The following SLC44A5 variants were observed in gnomAD, a reference collection of about 807,000 sequenced individuals.
SLC44A5 encodes choline transporter-like protein 5.
Under a neutral mutation model 101.8 loss-of-function variants are expected in SLC44A5, and 57 were observed. The ratio of observed to expected loss-of-function variants is 0.56; its 90% CI spans 0.45 to 0.70. SLC44A5 has a LOEUF of 0.70. Ranked by LOEUF, SLC44A5 falls within the 30% of genes least tolerant of loss-of-function variation. The probability of loss-of-function intolerance (pLI) is 0.00; values close to 1 mark genes in which losing one functional copy is unlikely to be tolerated. For synonymous variants in SLC44A5, 281 were observed against 290.9 expected, an observed-to-expected ratio of 0.97 and a Z score of 0.35; for missense variants, 737 against 853.1, an observed-to-expected ratio of 0.86 and a Z score of 1.70.
intron 3 of SLC44A5, among the ~76,000 whole-genome samples, chr1:75,352,795 T>C (rs1658784379): frequency 1.3e-5 from 2 of 152,196 alleles, no homozygotes; most frequent in Admixed American, 1.3e-4. Flanking sequence ...TTAAGATACA[T>C]GGATAATACG....
chr1:75,345,484 T>C (rs987962892), intron 3 of SLC44A5, among the ~76,000 whole-genome samples: 1 of 152,078 alleles, frequency 6.6e-6, no homozygotes, highest in Non-Finnish European at 1.5e-5. Context: ...AACAGTAAAA[T>C]GTAAATTACC....
intron 16 of SLC44A5, 134 bp downstream of exon 16, chr1:75,219,123 C>T: frequency 1.5e-6 from 1 of 676,458 alleles, no homozygotes; most frequent in Non-Finnish European, 2.6e-6. Context: ...ATGCACACTC[C>T]CCACTTCAGC....
At chr1:75,711,545 A>G in the SLC44A5 span, among the ~76,000 whole-genome samples, 1 of 150,352 alleles carries the variant, frequency 6.7e-6, no homozygotes, top group African/African-American at 2.4e-5. Flanking sequence ...ATTTCAGCTC[A>G]TGGCTAATAA....
the SLC44A5 span, among the ~76,000 whole-genome samples, chr1:75,702,836 A>C: frequency 1.3e-5 from 2 of 152,184 alleles, no homozygotes; most frequent in Non-Finnish European, 2.9e-5. Context: ...AACCCCATCA[A>C]AAAGTGGGCA....
At chr1:75,360,410 T>C (rs1303679741) in intron 3 of SLC44A5, among the ~76,000 whole-genome samples, 1 of 149,396 alleles carries the variant, frequency 6.7e-6, no homozygotes, top group Non-Finnish European at 1.5e-5. Context: ...CTTCAAGTGA[T>C]CCTCCCACCT....
At chr1:75,402,308 CCTT>C (rs1239932025) in intron 2 of SLC44A5, 7 of 223,404 alleles carry the variant, frequency 3.1e-5, no homozygotes, top group African/African-American at 4.6e-5. Flanking sequence ...GAGTTTGTCT[CCTT>C]CTCTGTAAAA....
chr1:75,252,753 T>G (rs1381130913), intron 6 of SLC44A5, among the ~76,000 whole-genome samples: 2 of 152,078 alleles, frequency 1.3e-5, no homozygotes, highest in East Asian at 3.9e-4. Flanking sequence ...CACAAGAGAA[T>G]TGAAAAAAAG....
the SLC44A5 span, among the ~76,000 whole-genome samples, chr1:75,691,134 G>C: frequency 6.6e-6 from 1 of 151,860 alleles, no homozygotes; most frequent in Non-Finnish European, 1.5e-5. Context: ...TTTCCAACTT[G>C]TTCTTGAATT....
intron 2 of SLC44A5, among the ~76,000 whole-genome samples, chr1:75,527,935 CTG>C (rs1670511110): frequency 6.6e-6 from 1 of 152,192 alleles, no homozygotes; most frequent in Admixed American, 6.5e-5. Context: ...GAACTTCACT[CTG>C]TAATTGCTCA....
At chr1:75,576,864 CTTTG>C (rs1304107930) in intron 1 of SLC44A5, among the ~76,000 whole-genome samples, 14 of 152,194 alleles carry the variant, frequency 9.2e-5, no homozygotes, top group African/African-American at 3.1e-4. Flanking sequence ...TAAACTGTTA[CTTTG>C]TTTGCACAAT....
intron 2 of SLC44A5, among the ~76,000 whole-genome samples, chr1:75,493,216 A>G (rs988914884): frequency 6.6e-6 from 1 of 152,154 alleles, no homozygotes; most frequent in Admixed American, 6.6e-5. Context: ...CAGATTTCTG[A>G]CCCCTGAAAC....
chr1:75,703,548 T>TGTTAA, the SLC44A5 span, among the ~76,000 whole-genome samples: 2 of 151,856 alleles, frequency 1.3e-5, no homozygotes, highest in Admixed American at 1.3e-4. Flanking sequence ...CTTTAGGAGA[T>TGTTAA]ATACCTAATG....
intron 2 of SLC44A5, 122 bp downstream of exon 2, chr1:75,541,313 G>T: frequency 1.4e-6 from 1 of 730,006 alleles, no homozygotes; most frequent in Non-Finnish European, 2.3e-6. Flanking sequence ...TCCAGGTGCA[G>T]CTTCCAGTGA....
chr1:75,250,503 C>T (rs1033913629), intron 7 of SLC44A5, among the ~76,000 whole-genome samples: 5 of 152,088 alleles, frequency 3.3e-5, no homozygotes, highest in African/African-American at 1.2e-4. Flanking sequence ...TTTATATTCC[C>T]TTGGGTATAT....
At chr1:75,249,510 T>G (rs1570467632) in intron 7 of SLC44A5, among the ~76,000 whole-genome samples, 1 of 152,174 alleles carries the variant, frequency 6.6e-6, no homozygotes, top group East Asian at 1.9e-4. Flanking sequence ...GAAAATCACC[T>G]CCCAGGTGGC....
At chr1:75,348,048 C>T (rs549721080) in intron 3 of SLC44A5, among the ~76,000 whole-genome samples, 1 of 151,952 alleles carries the variant, frequency 6.6e-6, no homozygotes, top group Admixed American at 6.6e-5. Context: ...TTCCATGATG[C>T]CAGTAGTAGA....
chr1:75,396,538 T>C (rs544275717), intron 3 of SLC44A5, 45 bp downstream of exon 3: 1 of 1,441,118 alleles, frequency 6.9e-7, no homozygotes, highest in South Asian at 1.1e-5. Context: ...ATGGATAGAC[T>C]GTCATGAAAG....
chr1:75,274,196 C>T (rs1332477270), intron 6 of SLC44A5, among the ~76,000 whole-genome samples: 3 of 151,148 alleles, frequency 2.0e-5, no homozygotes, highest in Non-Finnish European at 2.9e-5. Flanking sequence ...TTTTAACCAT[C>T]TAGAGCCAGC....
At chr1:75,463,297 G>A (rs1178930750) in intron 2 of SLC44A5, among the ~76,000 whole-genome samples, 4 of 151,862 alleles carry the variant, frequency 2.6e-5, no homozygotes, top group East Asian at 1.9e-4. Flanking sequence ...GCAGGCGCCT[G>A]TAGTCCCAGC....
Sources: allele counts gnomAD v4.1 joint callset (sites outside exome capture counted in the v4.1 genomes callset), GRCh38; gene constraint gnomAD v4.1.1; transcripts MANE v1.5; gene names NCBI Gene and HGNC (gene_info 2026-07-23, HGNC 2026-07-21).